PARD6A: variants seen among roughly 807,000 people sequenced by gnomAD.
The protein encoded by PARD6A is partitioning defective 6 homolog alpha.
A neutral mutation model predicts 21.3 loss-of-function variants in PARD6A; 20 were observed. The observed-to-expected ratio is 0.94, with a 90% confidence interval of 0.66 to 1.36. The LOEUF is 1.36. Ranked by LOEUF, PARD6A falls within the 40% of genes most tolerant of loss-of-function variation. PARD6A has a pLI of 0.00. For missense variants in PARD6A, 411 were observed against 482.0 expected (o/e 0.85, Z 1.38); for synonymous variants, 214 against 204.8 (o/e 1.04, Z -0.38).
At position 67,662,048 on chromosome 16, in the gene PARD6A, G is replaced by T; in HGVS notation, c.439G>T (p.Val147Leu). The change falls in exon 3 of 3, where the codon GTG becomes TTG. Residue 147 changes from valine to leucine, a missense_variant. Val to Leu is a conservative substitution (Grantham distance 32). Transcript: ENST00000458121. This position sits in a 1 kb window ranked among gnomAD's most constrained non-coding sequence, Gnocchi z 6.9. The part of the protein sequence containing the change: ...DFRQVSSVID[V>L]DLLPETHRRV... The stretch of plus-strand genomic sequence containing the variant: ...CCGCCAGGTTTCCTCAGTCATAGAC[G>T]TGGACCTACTGCCTGAGACCCACCG... 6.2e-7 allele frequency: 1 copy of T among 1,613,936 alleles called. No homozygotes were observed. Among genetic ancestry groups the T allele is most frequent in the East Asian group, 2.2e-5 (1 of 44,882 alleles).
At position 67,662,301 on chromosome 16, in the gene PARD6A, C is replaced by T; in HGVS notation, c.692C>T (p.Thr231Met). The T allele has an allele frequency of 5.0e-6, 8 of 1,614,084 alleles. No individual in the cohort carries two copies. The highest frequency in any genetic ancestry group is 1.3e-5 in the African/African-American group (1 of 75,048). The change falls in exon 3 of 3, where the codon ACG becomes ATG. Residue 231 changes from threonine to methionine, a missense_variant. Coordinates refer to ENST00000458121, the MANE Select transcript of PARD6A (RefSeq NM_001037281.2). The surrounding 1 kb of genome is among the most constrained non-coding windows in gnomAD (Gnocchi z 6.9). The stretch of plus-strand genomic sequence containing the variant: ...GCCGGGAAGACCTTGGACCAAGTGA[C>T]GGACATGATGGTTGCCAACAGCCAT... ...EVAGKTLDQVTDMMVANSHNL... is the reference protein window; with the variant it reads ...EVAGKTLDQVMDMMVANSHNL...
chr16:67,661,143 CCT>C lies in PARD6A; in HGVS notation c.63+45_63+46del, dbSNP rs781292039. ...CCTCGGCCCTAGGCGCTCCCAATTC[CCT>C]CTTTCTCCCCTTCCCAGCTCCTTGG... On this transcript the variant is annotated intron_variant, in intron 1 of 2. Coordinates refer to ENST00000458121, the MANE Select transcript of PARD6A (RefSeq NM_001037281.2). The surrounding 1 kb of genome is among the most constrained non-coding windows in gnomAD (Gnocchi z 7.0). 38 of 1,490,988 alleles carry C rather than the reference CCT, an allele frequency of 2.5e-5. 2 individuals carry two copies. In the South Asian group the frequency reaches 4.2e-4, roughly 16 times the overall value. 92.4% of individuals were successfully genotyped at this position (1,490,988 alleles called of 1,614,324 possible).
Position 67,661,311 on chromosome 16 carries a change from C to G in PARD6A, c.64-144C>G. ...TGGAGGGCGGTAAGAAGACCTTGGACAGCGTCCCTGGTACTGGAGCTGAGG... is the reference window on the plus strand; with the variant it reads ...TGGAGGGCGGTAAGAAGACCTTGGAGAGCGTCCCTGGTACTGGAGCTGAGG... On this transcript the variant is annotated intron_variant, in intron 1 of 2. Transcript: ENST00000458121. The surrounding 1 kb of genome is among the most constrained non-coding windows in gnomAD (Gnocchi z 7.0). 1 of 1,206,320 alleles carries G rather than the reference C, an allele frequency of 8.3e-7. No homozygotes were observed. The highest frequency in any genetic ancestry group is 1.5e-5 in the South Asian group (1 of 67,130). The allele number at this position is 1,206,320 out of a possible 1,614,324, so 74.7% of individuals were successfully genotyped here.
chr16:67,662,470 G>A lies in PARD6A; in HGVS notation c.861G>A (p.Glu287=). Residue 287 remains glutamate, a synonymous_variant, in exon 3 of 3, where the codon GAG becomes GAA. Transcript: ENST00000458121. This position sits in a 1 kb window ranked among gnomAD's most constrained non-coding sequence, Gnocchi z 6.9. ...ATGACAGCAGTGACCTGGTCATTGA[G>A]AACCGCCAGCCTCCCAGTTCCAATG... ...SDDDSSDLVI[E]NRQPPSSNGL... The A allele has an allele frequency of 6.2e-7, 1 of 1,613,638 alleles. No homozygotes were observed. Among genetic ancestry groups the A allele is most frequent in the Non-Finnish European group, 8.5e-7 (1 of 1,179,986 alleles).
At position 67,661,521 on chromosome 16, in the gene PARD6A, C is replaced by T. The variant is rs568393136; in HGVS notation, c.130C>T (p.Arg44Trp). The T allele has an allele frequency of 6.2e-7, 1 of 1,610,102 alleles. No homozygotes were observed. Among genetic ancestry groups the T allele is most frequent in the South Asian group, 1.1e-5 (1 of 91,086 alleles). ...GGTGAGCGGCTTCCAGGAGTTCTCG[C>T]GGTTGCTGCGGGCGGTGCACCAGAT... ...ASVSGFQEFS[R>W]LLRAVHQIPG... The change falls in exon 2 of 3, where the codon CGG becomes TGG. Residue 44 changes from arginine (R) to tryptophan (W), a missense_variant. Coordinates refer to ENST00000458121, the MANE Select transcript of PARD6A (RefSeq NM_001037281.2). This position sits in a 1 kb window ranked among gnomAD's most constrained non-coding sequence, Gnocchi z 7.0.
At position 67,662,038 on chromosome 16, in the gene PARD6A, A is replaced by G. The variant is rs752533462; in HGVS notation, c.429A>G (p.Ser143=). The stretch of plus-strand genomic sequence containing the variant: ...CCCAAGATTTCCGCCAGGTTTCCTC[A>G]GTCATAGACGTGGACCTACTGCCTG... The part of the protein sequence containing the change: ...SLPQDFRQVS[S]VIDVDLLPET... Residue 143 remains serine (S), a synonymous_variant, in exon 3 of 3, where the codon TCA becomes TCG. Transcript: ENST00000458121. This position sits in a 1 kb window ranked among gnomAD's most constrained non-coding sequence, Gnocchi z 6.9. 3.7e-6 allele frequency: 6 copies of G among 1,613,780 alleles called. No individual in the cohort carries two copies. The highest frequency in any genetic ancestry group is 5.1e-6 in the Non-Finnish European group (6 of 1,180,018).
In PARD6A at chr16:67,661,242, C is replaced by T. The variant is rs2053009673; in HGVS notation, c.63+141C>T. Reference sequence around the variant, plus strand: ...CTGCTCGCCTTCCCCCATCCGTCTTCCTTCCTCCACTGCTGGTCTCCAGCT... The same window carrying T: ...CTGCTCGCCTTCCCCCATCCGTCTTTCTTCCTCCACTGCTGGTCTCCAGCT... On this transcript the variant is annotated intron_variant, in intron 1 of 2. Transcript: ENST00000458121. The surrounding 1 kb of genome is among the most constrained non-coding windows in gnomAD (Gnocchi z 7.0). The T allele has an allele frequency of 2.0e-6, 2 of 1,020,254 alleles. No individual in the cohort carries two copies. Among genetic ancestry groups the T allele is most frequent in the Non-Finnish European group, 3.0e-6 (2 of 674,796 alleles). 63.2% of individuals were successfully genotyped at this position (1,020,254 alleles called of 1,614,324 possible). A position where few individuals can be genotyped will look rare whatever the true frequency, so the allele number is the denominator to read the frequency against.
Position 67,661,231 on chromosome 16 carries a change from C to G in PARD6A, c.63+130C>G, listed in dbSNP as rs1211058953. On this transcript the variant is annotated intron_variant, in intron 1 of 2. Coordinates refer to ENST00000458121, the MANE Select transcript of PARD6A (RefSeq NM_001037281.2). The surrounding 1 kb of genome is among the most constrained non-coding windows in gnomAD (Gnocchi z 7.0). ...ATTCTGCTTTTCTGCTCGCCTTCCCCCATCCGTCTTCCTTCCTCCACTGCT... is the reference window on the plus strand; with the variant it reads ...ATTCTGCTTTTCTGCTCGCCTTCCCGCATCCGTCTTCCTTCCTCCACTGCT... 6.7e-6 allele frequency: 7 copies of G among 1,048,410 alleles called. No individual in the cohort carries two copies. The highest frequency in any genetic ancestry group is 2.7e-5 in the South Asian group (2 of 73,388). The allele number at this position is 1,048,410 out of a possible 1,614,324, so 64.9% of individuals were successfully genotyped here.
chr16:67,661,744 A>G lies in PARD6A; in HGVS notation c.286+67A>G. 1 of 1,572,246 alleles carries G rather than the reference A, an allele frequency of 6.4e-7. No homozygotes were observed. The highest frequency in any genetic ancestry group is 8.6e-7 in the Non-Finnish European group (1 of 1,164,988). On this transcript the variant is annotated intron_variant, in intron 2 of 2. Coordinates refer to ENST00000458121, the MANE Select transcript of PARD6A (RefSeq NM_001037281.2). This position sits in a 1 kb window ranked among gnomAD's most constrained non-coding sequence, Gnocchi z 7.0. ...TCTGTGGGGCAGGTCTACAAGGGTT[A>G]GTCCATGCCCAGGGTACCCAAGCGT...
chr16:67,662,284 G>T lies in PARD6A; in HGVS notation c.675G>T (p.Lys225Asn). 1 of 1,614,124 alleles carries T rather than the reference G, an allele frequency of 6.2e-7. No individual in the cohort carries two copies. Among genetic ancestry groups the T allele is most frequent in the Non-Finnish European group, 8.5e-7 (1 of 1,180,034 alleles). Residue 225 changes from lysine to asparagine, a missense_variant, in exon 3 of 3, where the codon AAG (lysine) becomes AAT (asparagine). Coordinates refer to ENST00000458121, the MANE Select transcript of PARD6A (RefSeq NM_001037281.2). This position sits in a 1 kb window ranked among gnomAD's most constrained non-coding sequence, Gnocchi z 6.9. ...TCAATGGCATTGAAGTAGCCGGGAA[G>T]ACCTTGGACCAAGTGACGGACATGA... is the stretch of plus-strand genomic sequence containing the variant. ...LEVNGIEVAG[K>N]TLDQVTDMMV...
chr16:67,662,595 G>C lies in PARD6A; in HGVS notation c.986G>C (p.Ser329Thr), dbSNP rs778709455. The C allele has an allele frequency of 1.2e-5, 20 of 1,609,752 alleles. No individual in the cohort carries two copies. The highest frequency in any genetic ancestry group is 3.3e-4 in the Middle Eastern group (2 of 6,066). ...LPSLDDQEQASSGWGSRIRGD... is the reference protein window; with the variant it reads ...LPSLDDQEQATSGWGSRIRGD... ...TCCCTGGATGACCAGGAGCAGGCCA[G>C]TTCTGGCTGGGGGAGTCGCATTCGA... The change falls in exon 3 of 3, where the codon AGT (serine) becomes ACT (threonine). Residue 329 changes from serine to threonine, a missense_variant. Physicochemically the swap from Ser to Thr is moderately conservative, Grantham distance 58. Transcript: ENST00000458121. This position sits in a 1 kb window ranked among gnomAD's most constrained non-coding sequence, Gnocchi z 6.9.
In PARD6A at chr16:67,660,987, T is replaced by G. The variant is rs1444417417; in HGVS notation, c.-52T>G. 3 of 897,088 alleles carry G rather than the reference T, an allele frequency of 3.3e-6. No homozygotes were observed. The highest frequency in any genetic ancestry group is 4.2e-6 in the Non-Finnish European group (3 of 710,634). 55.6% of individuals were successfully genotyped at this position (897,088 alleles called of 1,614,324 possible). A position where few individuals can be genotyped will look rare whatever the true frequency, so the allele number is the denominator to read the frequency against. ...GGGCGGGCCGGCCGGGCTGTGCACC[T>G]GCGCCTCGGCGGGCCGCCTGGGGCA... On this transcript the variant is annotated 5_prime_UTR_variant, in exon 1 of 3. Transcript: ENST00000458121.
Position 67,662,440 on chromosome 16 carries a change from TGAC to T in PARD6A, c.834_836del (p.Asp280del). 6.2e-7 allele frequency: 1 copy of T among 1,613,662 alleles called. No homozygotes were observed. The highest frequency in any genetic ancestry group is 8.5e-7 in the Non-Finnish European group (1 of 1,179,880). On this transcript the variant is annotated inframe_deletion, in exon 3 of 3. Coordinates refer to ENST00000458121, the MANE Select transcript of PARD6A (RefSeq NM_001037281.2). This position sits in a 1 kb window ranked among gnomAD's most constrained non-coding sequence, Gnocchi z 6.9. ...GGCCTGGGCCTGCTGAGCCTGATAG[TGAC>T]GATGACAGCAGTGACCTGGTCATTG...
Position 67,661,165 on chromosome 16 carries a change from C to T in PARD6A, c.63+64C>T, listed in dbSNP as rs2053007881. The T allele has an allele frequency of 1.5e-6, 2 of 1,369,234 alleles. No homozygotes were observed. Among genetic ancestry groups the T allele is most frequent in the Admixed American group, 3.4e-5 (2 of 59,034 alleles). 84.8% of individuals were successfully genotyped at this position (1,369,234 alleles called of 1,614,324 possible). ...TTCCCTCTTTCTCCCCTTCCCAGCT[C>T]CTTGGTCCCCGCCACCTCTTCCCTC... On this transcript the variant is annotated intron_variant, in intron 1 of 2. Coordinates refer to ENST00000458121, the MANE Select transcript of PARD6A (RefSeq NM_001037281.2). The surrounding 1 kb of genome is among the most constrained non-coding windows in gnomAD (Gnocchi z 7.0).
chr16:67,662,388 G>T lies in PARD6A; in HGVS notation c.779G>T (p.Gly260Val), dbSNP rs147566572. ...AATAACGTGGTGCGAGGGGCATCTG[G>T]GCGTTTGACAGGTCCTCCCTCTGCA... ...QRNNVVRGAS[G>V]RLTGPPSAGP... The change falls in exon 3 of 3, where the codon GGG becomes GTG. Residue 260 changes from glycine to valine, a missense_variant. Physicochemically the swap from Gly to Val is moderately radical, Grantham distance 109 (BLOSUM62 -3). Coordinates refer to ENST00000458121, the MANE Select transcript of PARD6A (RefSeq NM_001037281.2). The surrounding 1 kb of genome is among the most constrained non-coding windows in gnomAD (Gnocchi z 6.9). The T allele has an allele frequency of 6.2e-7, 1 of 1,614,050 alleles. No individual in the cohort carries two copies. The highest frequency in any genetic ancestry group is 1.7e-5 in the Admixed American group (1 of 60,022).
At position 67,661,320 on chromosome 16, in the gene PARD6A, TGG is replaced by T. The variant is rs2053011765; in HGVS notation, c.64-134_64-133del. On this transcript the variant is annotated intron_variant, in intron 1 of 2. Coordinates refer to ENST00000458121, the MANE Select transcript of PARD6A (RefSeq NM_001037281.2). The surrounding 1 kb of genome is among the most constrained non-coding windows in gnomAD (Gnocchi z 7.0). ...GTAAGAAGACCTTGGACAGCGTCCC[TGG>T]TACTGGAGCTGAGGTCTGGGCTTAA... 8.0e-7 allele frequency: 1 copy of T among 1,243,206 alleles called. No homozygotes were observed. The highest frequency in any genetic ancestry group is 1.5e-5 in the South Asian group (1 of 67,868). The allele number at this position is 1,243,206 out of a possible 1,614,324, so 77.0% of individuals were successfully genotyped here. A position where few individuals can be genotyped will look rare whatever the true frequency, so the allele number is the denominator to read the frequency against.
rs1392370605 is a variant in PARD6A at position 67,661,038 on chromosome 16, C to A, written c.-1C>A. ...CCGTCCCCGGCCCGCCCGGCCCCGC[C>A]ATGGCCCGGCCGCAGAGGACTCCGG... On this transcript the variant is annotated 5_prime_UTR_variant, in exon 1 of 3. Transcript: ENST00000458121. The surrounding 1 kb of genome is among the most constrained non-coding windows in gnomAD (Gnocchi z 7.0). The A allele has an allele frequency of 6.4e-6, 10 of 1,560,682 alleles. No individual in the cohort carries two copies. Among genetic ancestry groups the A allele is most frequent in the Admixed American group, 1.7e-5 (1 of 57,716 alleles).
In PARD6A at chr16:67,661,784, C is replaced by G; in HGVS notation, c.286+107C>G. ...TACCCAAGCGTCACCCTCTGCAGTC[C>G]CTGCCCTTGGCTTGACCTCTAAGTG... On this transcript the variant is annotated intron_variant, in intron 2 of 2. Transcript: ENST00000458121. This position sits in a 1 kb window ranked among gnomAD's most constrained non-coding sequence, Gnocchi z 7.0. 6.5e-7 allele frequency: 1 copy of G among 1,545,910 alleles called. No individual in the cohort carries two copies. The highest frequency in any genetic ancestry group is 8.7e-7 in the Non-Finnish European group (1 of 1,152,728).
chr16:67,661,498 T>G lies in PARD6A; in HGVS notation c.107T>G (p.Val36Gly). The G allele has an allele frequency of 1.9e-6, 3 of 1,609,658 alleles. No individual in the cohort carries two copies. The highest frequency in any genetic ancestry group is 2.5e-6 in the Non-Finnish European group (3 of 1,179,966). Reference sequence around the variant, plus strand: ...CGCTTCGCGCTGCCTCGCGCTTCGGTGAGCGGCTTCCAGGAGTTCTCGCGG... The same window carrying G: ...CGCTTCGCGCTGCCTCGCGCTTCGGGGAGCGGCTTCCAGGAGTTCTCGCGG... ...FRRFALPRAS[V>G]SGFQEFSRLL... The change falls in exon 2 of 3, where the codon GTG (valine) becomes GGG (glycine). Residue 36 changes from valine to glycine, a missense_variant. Coordinates refer to ENST00000458121, the MANE Select transcript of PARD6A (RefSeq NM_001037281.2). The surrounding 1 kb of genome is among the most constrained non-coding windows in gnomAD (Gnocchi z 7.0).
Sources: gnomAD v4.1 joint callset for allele counts on GRCh38, gnomAD v4.1.1 for gene constraint, Gnocchi (gnomAD v3.1) non-coding constraint, MANE v1.5 for transcripts, NCBI Gene and HGNC (gene_info 2026-07-23, HGNC 2026-07-21) for gene names.